Variants in ARHGAP15 observed in about 807,000 individuals in gnomAD.
ARHGAP15 encodes Rho GTPase activating protein 15, also known as rho GTPase-activating protein 15.
Under a neutral mutation model 63.7 loss-of-function variants are expected in ARHGAP15, and 51 were observed. The ratio of observed to expected loss-of-function variants is 0.80; its 90% CI spans 0.64 to 1.01. The LOEUF is 1.01. ARHGAP15 is among the 50% of genes least tolerant of loss of function. ARHGAP15 has a pLI of 0.00. For missense variants in ARHGAP15, 560 were observed against 564.6 expected (o/e 0.99, Z 0.08); for synonymous variants, 191 against 193.8 (o/e 0.99, Z 0.12).
chr2:143,625,297 G>A (rs1226890971), intron 12 of ARHGAP15, among the ~76,000 whole-genome samples: 1 of 152,074 alleles, frequency 6.6e-6, no homozygotes, highest in East Asian at 1.9e-4. Context: ...AGATTTGGGG[G>A]TCCTGTGTTG....
intron 11 of ARHGAP15, among the ~76,000 whole-genome samples, chr2:143,562,449 G>T: frequency 6.6e-6 from 1 of 152,006 alleles, no homozygotes; most frequent in East Asian, 1.9e-4. Flanking sequence ...TTTTTAAAAC[G>T]AGGTATTTCC....
At chr2:143,198,371 A>G (rs1291805863) in intron 2 of ARHGAP15, among the ~76,000 whole-genome samples, 1 of 151,922 alleles carries the variant, frequency 6.6e-6, no homozygotes, top group Non-Finnish European at 1.5e-5. Flanking sequence ...TCTTATTTAG[A>G]TTTGTTTCCC....
intron 8 of ARHGAP15, among the ~76,000 whole-genome samples, chr2:143,443,526 A>C (rs1689992346): frequency 6.6e-6 from 1 of 152,120 alleles, no homozygotes; most frequent in Admixed American, 6.6e-5. Context: ...TAAAATGTGG[A>C]AACAAATCAC....
intron 6 of ARHGAP15, among the ~76,000 whole-genome samples, chr2:143,304,425 A>AG (rs199841304): frequency 0.046 from 7,064 of 152,004 alleles, 456 homozygotes; most frequent in Admixed American, 0.2. Flanking sequence ...GGACACAGGA[A>AG]GGGGAACATC....
At chr2:143,166,001 A>AAGGAAG (rs1553442878) in intron 2 of ARHGAP15, among the ~76,000 whole-genome samples, 8 of 101,160 alleles carry the variant, frequency 7.9e-5, no homozygotes, top group South Asian at 3.4e-4. Context: ...AAAGAAAGAA[A>AAGGAAG]GAAGGAAGGA....
intron 6 of ARHGAP15, among the ~76,000 whole-genome samples, chr2:143,433,083 T>C (rs563110892): frequency 3.9e-5 from 6 of 152,194 alleles, no homozygotes; most frequent in Admixed American, 3.9e-4. Flanking sequence ...CTAACATTCT[T>C]TACTGATGTC....
chr2:143,411,007 C>T (rs184896230), intron 6 of ARHGAP15, among the ~76,000 whole-genome samples: 1 of 151,992 alleles, frequency 6.6e-6, no homozygotes, highest in Non-Finnish European at 1.5e-5. Context: ...AGTTCACGAA[C>T]CAGCCTGACC....
chr2:143,584,100 A>G (rs1697012944), intron 11 of ARHGAP15, among the ~76,000 whole-genome samples: 1 of 152,166 alleles, frequency 6.6e-6, no homozygotes, highest in African/African-American at 2.4e-5. Context: ...AATGCATTCT[A>G]TTGCAGTTTC....
chr2:143,421,800 A>ATATGTG (rs1322174239), intron 6 of ARHGAP15, among the ~76,000 whole-genome samples: 77 of 14,374 alleles, frequency 5.4e-3, no homozygotes, highest in African/African-American at 0.015. Context: ...ATATATATAT[A>ATATGTG]TGTGTGTGTT....
At chr2:143,721,948 C>A (rs1685079139) in intron 13 of ARHGAP15, among the ~76,000 whole-genome samples, 1 of 152,180 alleles carries the variant, frequency 6.6e-6, no homozygotes, top group South Asian at 2.1e-4. Flanking sequence ...CGGCCTCGGC[C>A]TCCCAAAGTG....
intron 12 of ARHGAP15, among the ~76,000 whole-genome samples, chr2:143,667,529 C>G (rs1682277121): frequency 6.8e-6 from 1 of 146,538 alleles, no homozygotes; most frequent in Non-Finnish European, 1.5e-5. Flanking sequence ...ATGTAACTAA[C>G]CTGAACAATG....
intron 8 of ARHGAP15, among the ~76,000 whole-genome samples, chr2:143,485,788 T>C (rs965094012): frequency 6.6e-6 from 1 of 152,224 alleles, no homozygotes; most frequent in African/African-American, 2.4e-5. Context: ...ATGTCAATAG[T>C]ACAAAATTTG....
chr2:143,712,852 A>AG (rs773985292), intron 13 of ARHGAP15, among the ~76,000 whole-genome samples: 10 of 152,132 alleles, frequency 6.6e-5, no homozygotes, highest in Non-Finnish European at 1.3e-4. Flanking sequence ...AGGAAAAAAA[A>AG]TGATATTCTA....
chr2:143,690,375 T>A (rs1174545257), intron 12 of ARHGAP15, among the ~76,000 whole-genome samples: 3 of 152,218 alleles, frequency 2.0e-5, no homozygotes, highest in African/African-American at 7.2e-5. Flanking sequence ...ATGATTTGCA[T>A]CAGCTCTTTG....
chr2:143,305,178 G>A (rs1683110733), intron 6 of ARHGAP15, among the ~76,000 whole-genome samples: 1 of 151,894 alleles, frequency 6.6e-6, no homozygotes, highest in Non-Finnish European at 1.5e-5. Context: ...TCCTTTTCAG[G>A]GACATGGATG....
chr2:143,426,703 T>C (rs551028958), intron 6 of ARHGAP15, among the ~76,000 whole-genome samples: 1 of 152,254 alleles, frequency 6.6e-6, no homozygotes, highest in South Asian at 2.1e-4. Context: ...GAGACCAACT[T>C]TGGGTAGCGA....
chr2:143,721,709 C>T (rs548329007), intron 13 of ARHGAP15, among the ~76,000 whole-genome samples: 32 of 149,966 alleles, frequency 2.1e-4, no homozygotes, highest in South Asian at 6.3e-4. Context: ...TTTTTGGAAA[C>T]GGAGTCTTGC....
chr2:143,541,737 A>G (rs1240157787), intron 10 of ARHGAP15, among the ~76,000 whole-genome samples: 1 of 152,144 alleles, frequency 6.6e-6, no homozygotes, highest in African/African-American at 2.4e-5. Context: ...TTCCTCTGGA[A>G]GTTTTGTCTC....
chr2:143,721,061 C>CAAAAAGAAA (rs1685034897), intron 13 of ARHGAP15, among the ~76,000 whole-genome samples: 3 of 78,432 alleles, frequency 3.8e-5, no homozygotes, highest in African/African-American at 1.4e-4. Flanking sequence ...GACTCCGTCT[C>CAAAAAGAAA]AAAAAAAAAA....
Sources: allele counts gnomAD v4.1 joint callset (sites outside exome capture counted in the v4.1 genomes callset), GRCh38; gene constraint gnomAD v4.1.1; transcripts MANE v1.5; gene names NCBI Gene and HGNC (gene_info 2026-07-23, HGNC 2026-07-21).